The following CUBN variants were observed in gnomAD, a reference collection of about 807,000 sequenced individuals.
The protein encoded by CUBN is 460 kDa receptor.
Under a neutral mutation model 405.3 loss-of-function variants are expected in CUBN, and 282 were observed. The ratio of observed to expected loss-of-function variants is 0.70; its 90% CI spans 0.63 to 0.77. CUBN has a LOEUF of 0.77. Among genes scored for constraint, CUBN ranks in the 30% least tolerant of loss-of-function variants. The pLI is 0.00. For missense variants in CUBN, 4,514 were observed against 4,475.2 expected, an observed-to-expected ratio of 1.01 and a Z score of -0.25; for synonymous variants, 1,684 against 1,617.0, an observed-to-expected ratio of 1.04 and a Z score of -0.99.
intron 59 of CUBN, among the ~76,000 whole-genome samples, chr10:16,861,197 T>TATCTCCA (rs1366582247): frequency 1.3e-5 from 2 of 151,892 alleles, no homozygotes; most frequent in African/African-American, 4.8e-5. Context: ...AGTTTCACTC[T>TATCTCCA]GTCACCCAGG....
intron 58 of CUBN, among the ~76,000 whole-genome samples, chr10:16,872,392 T>G (rs914009239): frequency 6.7e-6 from 1 of 148,566 alleles, no homozygotes; most frequent in Non-Finnish European, 1.5e-5. Context: ...AGAGAGAATA[T>G]ATAACATACC....
At chr10:17,018,819 C>A (rs12248574) in intron 28 of CUBN, among the ~76,000 whole-genome samples, 1 of 152,100 alleles carries the variant, frequency 6.6e-6, no homozygotes, top group Non-Finnish European at 1.5e-5. Flanking sequence ...AGACACAGAG[C>A]GCTGATTGGT....
At chr10:16,837,779 T>C (rs752047821) in intron 62 of CUBN, among the ~76,000 whole-genome samples, 5 of 152,154 alleles carry the variant, frequency 3.3e-5, no homozygotes, top group Non-Finnish European at 7.4e-5. Flanking sequence ...CTTTCCTCCC[T>C]ACCTACCCAG....
intron 22 of CUBN, among the ~76,000 whole-genome samples, chr10:17,054,426 C>G (rs1835344392): frequency 6.7e-6 from 1 of 149,174 alleles, no homozygotes; most frequent in South Asian, 2.1e-4. Flanking sequence ...TCTAAAGAAA[C>G]TAGAGAAAAG....
chr10:17,053,493 A>C (rs1357496537), intron 22 of CUBN, among the ~76,000 whole-genome samples: 3 of 152,160 alleles, frequency 2.0e-5, no homozygotes, highest in African/African-American at 7.2e-5. Flanking sequence ...AAGACATTTC[A>C]TAATGACAAA....
intron 6 of CUBN, among the ~76,000 whole-genome samples, chr10:17,118,593 C>T (rs1458352454): frequency 6.6e-6 from 1 of 152,124 alleles, no homozygotes; most frequent in Non-Finnish European, 1.5e-5. Context: ...CGTGCCAGCA[C>T]GTAAGCTAAG....
intron 36 of CUBN, among the ~76,000 whole-genome samples, chr10:16,943,787 C>G (rs1842716321): frequency 6.6e-6 from 1 of 152,216 alleles, no homozygotes; most frequent in African/African-American, 2.4e-5. Flanking sequence ...TGCACATTAG[C>G]ATTCTGTCCG....
Position 16,950,235 on chromosome 10 carries a change from C to T in CUBN, c.4970-124G>A, listed in dbSNP as rs1842893161. 5 of 692,004 alleles carry T rather than the reference C, an allele frequency of 7.2e-6. No homozygotes were observed. The Admixed American group carries it at 1.0e-4, about 14-fold the overall frequency. 42.9% of individuals were successfully genotyped at this position (692,004 alleles called of 1,614,324 possible). On this transcript the variant is annotated intron_variant, in intron 33 of 66. Transcript: ENST00000377833. ...AAAAAATAGAAGGAATGAGTAAGACCTGTTTGATAGCACAACAGGGTAATT... is the reference window on the plus strand; with the variant it reads ...AAAAAATAGAAGGAATGAGTAAGACTTGTTTGATAGCACAACAGGGTAATT...
At chr10:16,890,628 T>A (rs763507741) in intron 54 of CUBN, 101 bp from the exon 55 acceptor site, 3 of 1,130,738 alleles carry the variant, frequency 2.7e-6, no homozygotes, top group Non-Finnish European at 4.0e-6. Context: ...TATACAGAAC[T>A]AAGCATAAGA....
At chr10:17,087,466 CTTTTTCTT>C (rs1261001151) in intron 15 of CUBN, among the ~76,000 whole-genome samples, 18 of 79,770 alleles carry the variant, frequency 2.3e-4, no homozygotes, top group Middle Eastern at 7.0e-3. Context: ...TATTATTTTT[CTTTTTCTT>C]TTTTTTTTTT....
intron 19 of CUBN, among the ~76,000 whole-genome samples, 183 bp from the exon 20 acceptor site, chr10:17,068,953 C>T (rs1430841121): frequency 6.6e-6 from 1 of 152,150 alleles, no homozygotes; most frequent in Non-Finnish European, 1.5e-5. Flanking sequence ...TCCTCATTCC[C>T]CTGAAACCAC....
In CUBN at chr10:16,914,967, T is replaced by C. The variant is rs1184559724; in HGVS notation, c.7351+65A>G. On this transcript the variant is annotated intron_variant, in intron 47 of 66. Coordinates refer to ENST00000377833, the MANE Select transcript of CUBN (RefSeq NM_001081.4). Reference sequence around the variant, plus strand: ...TGTTTTTCAAATATTTTAACACTGGTGCCTAGCATAGTGTCTGTCCAATGC... The same window carrying C: ...TGTTTTTCAAATATTTTAACACTGGCGCCTAGCATAGTGTCTGTCCAATGC... 5 of 1,369,614 alleles carry C rather than the reference T, an allele frequency of 3.7e-6. No homozygotes were observed. In the East Asian group the frequency reaches 6.9e-5, roughly 19 times the overall value. The allele number at this position is 1,369,614 out of a possible 1,614,324, so 84.8% of individuals were successfully genotyped here.
chr10:16,975,624 CTTT>C (rs199779818), intron 31 of CUBN, among the ~76,000 whole-genome samples: 1 of 124,308 alleles, frequency 8.0e-6, no homozygotes, highest in African/African-American at 3.1e-5. Flanking sequence ...TAAAGACCTT[CTTT>C]TTTTTTTTTT....
chr10:16,948,719 T>A, intron 34 of CUBN, 113 bp from the exon 35 acceptor site: 1 of 1,341,228 alleles, frequency 7.5e-7, no homozygotes, highest in Non-Finnish European at 1.0e-6. Flanking sequence ...AGTGAAGAAA[T>A]TGCCACTAGG....
At chr10:16,951,993 A>G (rs1185380028) in intron 33 of CUBN, among the ~76,000 whole-genome samples, 2 of 151,298 alleles carry the variant, frequency 1.3e-5, no homozygotes, top group East Asian at 1.9e-4. Context: ...GCAAGGTTGT[A>G]GGTGTGTTGT....
At chr10:16,841,588 A>G (rs1047453719) in intron 60 of CUBN, among the ~76,000 whole-genome samples, 1 of 152,072 alleles carries the variant, frequency 6.6e-6, no homozygotes, top group Non-Finnish European at 1.5e-5. Context: ...GACCTTTCTA[A>G]TCTAATTTCT....
intron 36 of CUBN, among the ~76,000 whole-genome samples, chr10:16,945,303 TCA>T (rs374336406): frequency 2.0e-5 from 3 of 152,324 alleles, no homozygotes; most frequent in Non-Finnish European, 4.4e-5. Flanking sequence ...GTTTTATTGA[TCA>T]ATATATAGAA....
At chr10:17,041,273 C>G (rs1835012415) in intron 26 of CUBN, 53 bp from the exon 27 acceptor site, 3 of 1,433,572 alleles carry the variant, frequency 2.1e-6, no homozygotes, top group Non-Finnish European at 3.0e-6. Flanking sequence ...CATAAGTGCT[C>G]CAAGATGAGA....
rs1835596498 is a variant in CUBN at position 17,065,567 on chromosome 10, T to A, written c.3080A>T (p.Asp1027Val). Residue 1027 changes from aspartate (D) to valine (V), a missense_variant, in exon 22 of 67, where the codon GAC becomes GTC. By Grantham distance (152) the Asp-to-Val change is radical. Coordinates refer to ENST00000377833, the MANE Select transcript of CUBN (RefSeq NM_001081.4). Reference sequence around the variant, plus strand: ...GAAGCCTTCATAAGCGAGGTCGGAGTCAGTCACAAACACCAGCATCAATGA... The same window carrying A: ...GAAGCCTTCATAAGCGAGGTCGGAGACAGTCACAAACACCAGCATCAATGA... Reference protein sequence around the residue: ...GNSLMLVFVTDSDLAYEGFLI... With the variant: ...GNSLMLVFVTVSDLAYEGFLI... 4 of 1,613,626 alleles carry A rather than the reference T, an allele frequency of 2.5e-6. No individual in the cohort carries two copies. The South Asian group carries it at 4.4e-5, about 18-fold the overall frequency.
Sources: gnomAD v4.1 joint callset for allele counts (sites outside exome capture counted in the v4.1 genomes callset) on GRCh38, gnomAD v4.1.1 for gene constraint, MANE v1.5 for transcripts, NCBI Gene and HGNC (gene_info 2026-07-23, HGNC 2026-07-21) for gene names.